Variants in KAZN observed in about 807,000 individuals in gnomAD.
KAZN encodes kazrin.
Under a neutral mutation model 87.4 loss-of-function variants are expected in KAZN, and 40 were observed. The observed-to-expected ratio is 0.46, with a 90% confidence interval of 0.36 to 0.60. The LOEUF is 0.60. KAZN is among the 20% of genes least tolerant of loss of function. KAZN has a pLI of 0.00. For missense variants in KAZN, 898 were observed against 1,073.9 expected (o/e 0.84, Z 2.29); for synonymous variants, 466 against 458.3 (o/e 1.02, Z -0.22).
chr1:14,007,675 C>T (rs1640094167), intron 1 of KAZN, among the ~76,000 whole-genome samples: 1 of 152,232 alleles, frequency 6.6e-6, no homozygotes, highest in African/African-American at 2.4e-5. Flanking sequence ...GTTTCCAAAT[C>T]ACTAGCAGCA....
At chr1:14,040,589 C>G (rs1362007383) in intron 1 of KAZN, among the ~76,000 whole-genome samples, 1 of 152,028 alleles carries the variant, frequency 6.6e-6, no homozygotes, top group Non-Finnish European at 1.5e-5. Context: ...TGGTGAAACC[C>G]CATCTCTACT....
At chr1:15,085,574 C>T (rs571097236) in intron 8 of KAZN, among the ~76,000 whole-genome samples, 12 of 152,148 alleles carry the variant, frequency 7.9e-5, no homozygotes, top group South Asian at 6.2e-4. Flanking sequence ...GCAAGCCTCC[C>T]GCCTTAGCCT....
At chr1:14,418,229 T>C (rs1664995180) in intron 2 of KAZN, among the ~76,000 whole-genome samples, 1 of 151,968 alleles carries the variant, frequency 6.6e-6, no homozygotes, top group African/African-American at 2.4e-5. Flanking sequence ...TTCAGGAAGA[T>C]CTGAGTTCAG....
At chr1:14,299,703 G>T (rs796182938) in intron 2 of KAZN, among the ~76,000 whole-genome samples, 1 of 152,062 alleles carries the variant, frequency 6.6e-6, no homozygotes, top group African/African-American at 2.4e-5. Flanking sequence ...CTTAGCTGGC[G>T]GCACCTAGGT....
chr1:13,992,061 C>T (rs1639307841), intron 1 of KAZN, among the ~76,000 whole-genome samples: 1 of 152,194 alleles, frequency 6.6e-6, no homozygotes, highest in Non-Finnish European at 1.5e-5. Context: ...ATCCTTACCT[C>T]TGCATTTAGC....
intron 2 of KAZN, among the ~76,000 whole-genome samples, chr1:14,451,792 C>A (rs1296448499): frequency 1.3e-5 from 2 of 152,120 alleles, no homozygotes; most frequent in Non-Finnish European, 2.9e-5. Context: ...AAGTTCTAGT[C>A]CAAATCCAAA....
At chr1:14,796,312 G>A (rs1277582296) in intron 1 of KAZN, among the ~76,000 whole-genome samples, 3 of 152,176 alleles carry the variant, frequency 2.0e-5, no homozygotes, top group African/African-American at 7.2e-5. Flanking sequence ...CAAAGCTCAG[G>A]CCACCTCCGT....
At chr1:14,377,876 G>A (rs1179965404) in intron 2 of KAZN, among the ~76,000 whole-genome samples, 3 of 152,080 alleles carry the variant, frequency 2.0e-5, no homozygotes, top group Non-Finnish European at 4.4e-5. Context: ...CTACCCACTT[G>A]ATGCCAGTAA....
At chr1:14,727,958 T>C (rs184535975) in intron 1 of KAZN, among the ~76,000 whole-genome samples, 4 of 152,078 alleles carry the variant, frequency 2.6e-5, no homozygotes, top group Admixed American at 2.6e-4. Context: ...ATCCCTCATA[T>C]GCGCAGTTCG....
At chr1:14,362,123 C>T (rs1452598753) in intron 2 of KAZN, among the ~76,000 whole-genome samples, 1 of 152,148 alleles carries the variant, frequency 6.6e-6, no homozygotes, top group Non-Finnish European at 1.5e-5. Context: ...ATTTATTATT[C>T]CACCGTCTCT....
At chr1:14,174,388 G>A (rs10928048) in intron 1 of KAZN, among the ~76,000 whole-genome samples, 17,444 of 152,178 alleles carry the variant, frequency 0.11, 1,121 homozygotes, top group East Asian at 0.33. Context: ...CTCCTTGAGA[G>A]CCTCCAGGAC....
chr1:14,699,460 G>A (rs926784863), intron 1 of KAZN, among the ~76,000 whole-genome samples: 36 of 152,324 alleles, frequency 2.4e-4, no homozygotes, highest in African/African-American at 7.7e-4. Context: ...CTGGGAATAC[G>A]ATGGTGAGTG....
At chr1:14,016,005 C>A (rs1165000860) in intron 1 of KAZN, among the ~76,000 whole-genome samples, 1 of 152,004 alleles carries the variant, frequency 6.6e-6, no homozygotes, top group Admixed American at 6.5e-5. Flanking sequence ...AGGCTTGTAA[C>A]ACAAGGGCAA....
intron 1 of KAZN, among the ~76,000 whole-genome samples, chr1:13,970,541 G>A (rs79129028): frequency 0.033 from 5,082 of 152,270 alleles, 141 homozygotes; most frequent in Non-Finnish European, 0.046. Flanking sequence ...GAAAAAGGTG[G>A]GCTTGGAACC....
In KAZN at chr1:14,937,469, A is replaced by T. The variant is rs149586910; in HGVS notation, c.227-23215A>T. Among the ~76,000 whole-genome samples the T allele has an allele frequency of 9.9e-4, 151 of 152,272 alleles. 3 individuals are homozygous for T. In the East Asian group the frequency reaches 0.026, roughly 26 times the overall value. On this transcript the variant is annotated intron_variant, in intron 1 of 14. Coordinates refer to ENST00000376030, the MANE Select transcript of KAZN (RefSeq NM_201628.3). ...TGTCCACAGTCTCCTGGCCGTAATA[A>T]TCACGTCCCCTCCGCCTCTCTCCCT...
intron 2 of KAZN, among the ~76,000 whole-genome samples, chr1:14,530,988 A>G (rs544153716): frequency 3.4e-4 from 52 of 152,226 alleles, no homozygotes; most frequent in African/African-American, 1.3e-3. Context: ...TGGGAGGATC[A>G]CCTGAGCCTG....
intron 1 of KAZN, among the ~76,000 whole-genome samples, chr1:13,928,604 G>A (rs1033206380): frequency 6.6e-6 from 1 of 152,158 alleles, no homozygotes; most frequent in African/African-American, 2.4e-5. Flanking sequence ...CCTGTACAAT[G>A]TGTGATTAAC....
chr1:13,991,362 C>G (rs557155213), intron 1 of KAZN, among the ~76,000 whole-genome samples: 1 of 151,922 alleles, frequency 6.6e-6, no homozygotes, highest in South Asian at 2.1e-4. Flanking sequence ...ATGGATGCAG[C>G]AAACCACCAT....
chr1:14,158,070 T>C (rs1397672526), intron 1 of KAZN, among the ~76,000 whole-genome samples: 1 of 152,194 alleles, frequency 6.6e-6, no homozygotes, highest in East Asian at 1.9e-4. Context: ...AGCCAAACCA[T>C]ATCAGGTAAT....
Sources: allele counts gnomAD v4.1 joint callset (sites outside exome capture counted in the v4.1 genomes callset), GRCh38; gene constraint gnomAD v4.1.1; transcripts MANE v1.5; gene names NCBI Gene and HGNC (gene_info 2026-07-23, HGNC 2026-07-21).